The following CNTNAP2 variants were observed in gnomAD, a reference collection of about 807,000 sequenced individuals.
CNTNAP2 encodes contactin associated protein 2, also known as contactin-associated protein-like 2.
Under a neutral mutation model 155.2 loss-of-function variants are expected in CNTNAP2, and 98 were observed. The ratio of observed to expected loss-of-function variants is 0.63; its 90% CI spans 0.54 to 0.75. The LOEUF (loss-of-function observed/expected upper bound fraction) is 0.75. Among genes scored for constraint, CNTNAP2 ranks in the 30% least tolerant of loss-of-function variants. The pLI, the probability that CNTNAP2 is intolerant of heterozygous loss-of-function variation, is 0.00. For missense variants in CNTNAP2, 1,727 were observed against 1,688.1 expected (o/e 1.02, Z -0.40); for synonymous variants, 651 against 631.2 (o/e 1.03, Z -0.47).
At chr7:147,368,416 C>T (rs557551893) in intron 9 of CNTNAP2, among the ~76,000 whole-genome samples, 5 of 152,210 alleles carry the variant, frequency 3.3e-5, no homozygotes, top group Admixed American at 6.5e-5. Flanking sequence ...AGCCTGGAAA[C>T]TTGCTTTAGC....
chr7:147,961,904 T>G (rs959179615), intron 14 of CNTNAP2, among the ~76,000 whole-genome samples: 2 of 152,188 alleles, frequency 1.3e-5, no homozygotes, highest in Non-Finnish European at 2.9e-5. Flanking sequence ...GTAACAACTT[T>G]ATTCTTAAAG....
chr7:147,340,236 G>A (rs769135958), intron 9 of CNTNAP2, among the ~76,000 whole-genome samples: 4 of 152,014 alleles, frequency 2.6e-5, no homozygotes, highest in Non-Finnish European at 5.9e-5. Flanking sequence ...TAAGTTTAAG[G>A]GAATCTGCTC....
chr7:147,812,989 A>G (rs896683786), intron 13 of CNTNAP2, among the ~76,000 whole-genome samples: 1 of 152,216 alleles, frequency 6.6e-6, no homozygotes, highest in African/African-American at 2.4e-5. Context: ...AAATTACCTT[A>G]TAGTCACCTG....
intron 1 of CNTNAP2, among the ~76,000 whole-genome samples, chr7:146,127,388 A>G (rs1319704926): frequency 3.9e-5 from 6 of 152,324 alleles, no homozygotes; most frequent in Admixed American, 1.3e-4. Context: ...GTGATCACAA[A>G]TAATGAAAAC....
intron 16 of CNTNAP2, among the ~76,000 whole-genome samples, chr7:148,137,698 A>T (rs1804986431): frequency 6.7e-6 from 1 of 148,726 alleles, no homozygotes; most frequent in Non-Finnish European, 1.5e-5. Context: ...GGAAGGAAGG[A>T]AGGAAGGAAG....
In CNTNAP2 at chr7:147,386,213, AG is replaced by A. The variant is rs575019931; in HGVS notation, c.1499-9392del. On this transcript the variant is annotated intron_variant, in intron 9 of 23. Transcript: ENST00000361727. ...CCTAAACCTCCAGGCCTGTGATGGG[AG>A]GGGCTGCCGCAAAGTTCTGACATGC... Among the ~76,000 whole-genome samples the A allele has an allele frequency of 3.0e-4, 46 of 152,200 alleles. 1 individual carries two copies. The highest frequency in any genetic ancestry group is 1.1e-3 in the African/African-American group (45 of 41,554).
chr7:147,126,326 G>A (rs1396704270), intron 6 of CNTNAP2, among the ~76,000 whole-genome samples: 1 of 152,080 alleles, frequency 6.6e-6, no homozygotes, highest in Non-Finnish European at 1.5e-5. Context: ...GGATGGCAAG[G>A]TCATTAATAA....
intron 17 of CNTNAP2, among the ~76,000 whole-genome samples, chr7:148,158,451 G>A (rs1187103907): frequency 1.3e-5 from 2 of 151,970 alleles, no homozygotes; most frequent in East Asian, 1.9e-4. Context: ...TCGATCTCTC[G>A]AGCTCATGAT....
At chr7:146,482,239 A>C (rs546228595) in intron 1 of CNTNAP2, among the ~76,000 whole-genome samples, 26 of 151,132 alleles carry the variant, frequency 1.7e-4, no homozygotes, top group African/African-American at 6.3e-4. Flanking sequence ...CCAGTGAAAC[A>C]AAAATTTAAA....
chr7:148,232,374 T>C (rs1176545156), intron 20 of CNTNAP2, among the ~76,000 whole-genome samples: 1 of 152,228 alleles, frequency 6.6e-6, no homozygotes, highest in African/African-American at 2.4e-5. Flanking sequence ...AAAATCCATC[T>C]TGAGAACTTC....
intron 1 of CNTNAP2, among the ~76,000 whole-genome samples, chr7:146,310,252 A>G (rs1800796171): frequency 6.6e-6 from 1 of 152,220 alleles, no homozygotes; most frequent in South Asian, 2.1e-4. Flanking sequence ...TTTCATGCTG[A>G]CATTTAATTA....
intron 3 of CNTNAP2, among the ~76,000 whole-genome samples, chr7:146,876,749 A>C (rs1273940407): frequency 6.6e-6 from 1 of 152,128 alleles, no homozygotes; most frequent in Non-Finnish European, 1.5e-5. Flanking sequence ...TCAGGTCAAC[A>C]ATGATCCAAT....
intron 4 of CNTNAP2, among the ~76,000 whole-genome samples, chr7:147,076,181 GT>G (rs1799997183): frequency 6.6e-6 from 1 of 152,172 alleles, no homozygotes; most frequent in Non-Finnish European, 1.5e-5. Context: ...AGTATTTCTA[GT>G]TCTAGATCCT....
intron 1 of CNTNAP2, among the ~76,000 whole-genome samples, chr7:146,526,452 G>A (rs1797693004): frequency 6.6e-6 from 1 of 152,112 alleles, no homozygotes; most frequent in Non-Finnish European, 1.5e-5. Context: ...TGTGTCACAT[G>A]GCAGAAGCAG....
chr7:147,245,606 G>C (rs1804043719), intron 8 of CNTNAP2, among the ~76,000 whole-genome samples: 1 of 151,868 alleles, frequency 6.6e-6, no homozygotes, highest in Non-Finnish European at 1.5e-5. Context: ...GGCCAAGGTG[G>C]GTGGAGCACG....
Position 148,415,660 on chromosome 7 carries a change from GGGA to G in CNTNAP2, c.*49_*51del. ...TGGGATAGGGAGGAGGGAATTACTA[GGGA>G]GGAGAGAAAGGGACAAAAGCACCCT... On this transcript the variant is annotated 3_prime_UTR_variant, in exon 24 of 24. Coordinates refer to ENST00000361727, the MANE Select transcript of CNTNAP2 (RefSeq NM_014141.6). 6.2e-7 allele frequency: 1 copy of G among 1,611,094 alleles called. No homozygotes were observed.
intron 11 of CNTNAP2, among the ~76,000 whole-genome samples, chr7:147,515,019 A>G (rs1799094180): frequency 6.6e-6 from 1 of 152,162 alleles, no homozygotes; most frequent in Non-Finnish European, 1.5e-5. Flanking sequence ...TACCTCGATG[A>G]TCTTGGCTTC....
intron 1 of CNTNAP2, among the ~76,000 whole-genome samples, chr7:146,493,871 G>GA (rs1330754847): frequency 5.9e-5 from 9 of 152,076 alleles, no homozygotes; most frequent in East Asian, 1.9e-4. Context: ...ATTTGCAAAA[G>GA]AAAAATGCTT....
intron 13 of CNTNAP2, among the ~76,000 whole-genome samples, chr7:147,739,169 G>A (rs1796912588): frequency 6.8e-6 from 1 of 147,808 alleles, no homozygotes; most frequent in Admixed American, 6.8e-5. Context: ...TTAAATAGGA[G>A]AATACTATTT....
Sources: allele counts gnomAD v4.1 joint callset (sites outside exome capture counted in the v4.1 genomes callset), GRCh38; gene constraint gnomAD v4.1.1; transcripts MANE v1.5; gene names NCBI Gene and HGNC (gene_info 2026-07-23, HGNC 2026-07-21).